FAM184B: variants seen among roughly 807,000 people sequenced by gnomAD.
The protein encoded by FAM184B is family with sequence similarity 184 member B.
Under a neutral mutation model 135.9 loss-of-function variants are expected in FAM184B, and 111 were observed. The ratio of observed to expected loss-of-function variants is 0.82; its 90% CI spans 0.70 to 0.96. FAM184B has a LOEUF of 0.96. Among genes scored for constraint, FAM184B ranks in the 40% least tolerant of loss-of-function variants. The pLI is 0.00. For missense variants in FAM184B, 1,375 were observed against 1,323.9 expected (o/e 1.04, Z -0.60); for synonymous variants, 552 against 524.8 (o/e 1.05, Z -0.71).
Position 17,709,300 on chromosome 4 carries a change from G to C in FAM184B, c.486C>G (p.Leu162=). ...LELKADYERR[L]QHLTSHEATP... is the part of the protein sequence containing the mutation. Reference sequence around the variant, plus strand: ...TAGCCTCGTGGCTCGTCAGGTGCTGGAGCCTCCTCTCGTAGTCAGCCTTGA... The same window carrying C: ...TAGCCTCGTGGCTCGTCAGGTGCTGCAGCCTCCTCTCGTAGTCAGCCTTGA... The change falls in exon 2 of 18, where the codon CTC becomes CTG. Residue 162 remains leucine, a synonymous_variant. Coordinates refer to ENST00000265018, the MANE Select transcript of FAM184B (RefSeq NM_015688.2). The C allele has an allele frequency of 6.5e-7, 1 of 1,549,598 alleles. No individual in the cohort carries two copies.
chr4:17,633,770 G>A lies in FAM184B; in HGVS notation c.3008C>T (p.Thr1003Ile). ...SSRINAPPIT[T>I]SPSLDPSPSC... ...GGGGCTTGGGTCCAAGCTGGGTGAT[G>A]TAGTTATTGGAGGGGCATTAATCCT... The change falls in exon 17 of 18, where the codon ACA becomes ATA. Residue 1003 changes from threonine (T) to isoleucine (I), a missense_variant. Transcript: ENST00000265018. The A allele has an allele frequency of 1.3e-6, 2 of 1,551,632 alleles. No homozygotes were observed. Among genetic ancestry groups the A allele is most frequent in the South Asian group, 2.4e-5 (2 of 84,052 alleles).
At position 17,652,865 on chromosome 4, in the gene FAM184B, C is replaced by T. The variant is rs745479638; in HGVS notation, c.2156G>A (p.Arg719His). The T allele has an allele frequency of 2.8e-5, 44 of 1,551,550 alleles. No homozygotes were observed. Among genetic ancestry groups the T allele is most frequent in the Admixed American group, 2.2e-4 (11 of 50,992 alleles). The change falls in exon 11 of 18, where the codon CGT becomes CAT. Residue 719 changes from arginine to histidine, a missense_variant. Arg to His is a conservative substitution (Grantham distance 29). Transcript: ENST00000265018. Reference sequence around the variant, plus strand: ...GGCCTGCTGTGCCTGCATCCTCTCACGCTCCTCCTGCAGCTCTTGCCTGGC... The same window carrying T: ...GGCCTGCTGTGCCTGCATCCTCTCATGCTCCTCCTGCAGCTCTTGCCTGGC... ...EKARQELQEE[R>H]ERMQAQQALL...
intron 1 of FAM184B, among the ~76,000 whole-genome samples, chr4:17,761,073 G>A (rs927054671): frequency 4.6e-5 from 7 of 152,176 alleles, no homozygotes; most frequent in African/African-American, 1.4e-4. Flanking sequence ...CAATGCACAG[G>A]ACAGCTCATG....
At chr4:17,715,516 T>G (rs1178256947) in intron 1 of FAM184B, among the ~76,000 whole-genome samples, 2 of 151,902 alleles carry the variant, frequency 1.3e-5, no homozygotes, top group Admixed American at 6.6e-5. Flanking sequence ...ATGAAATTAA[T>G]GGGGTCAAAA....
At chr4:17,653,338 A>C (rs1715679460) in intron 10 of FAM184B, among the ~76,000 whole-genome samples, 1 of 152,172 alleles carries the variant, frequency 6.6e-6, no homozygotes. Context: ...CAGGAGCACT[A>C]AGGTAACTAT....
chr4:17,648,228 C>T lies in FAM184B; in HGVS notation c.2192-437G>A, dbSNP rs1026179382. On this transcript the variant is annotated intron_variant, in intron 11 of 17. Coordinates refer to ENST00000265018, the MANE Select transcript of FAM184B (RefSeq NM_015688.2). The stretch of plus-strand genomic sequence containing the variant: ...CTGAGCCCAGGGCATTCTGTGACAA[C>T]GCTTGGCCTCAGCATCAAGTTAGGA... Among the ~76,000 whole-genome samples, 15 of 152,122 alleles carry T rather than the reference C, an allele frequency of 9.9e-5. 1 individual carries two copies. The highest frequency in any genetic ancestry group is 1.9e-4 in the Non-Finnish European group (13 of 68,034).
chr4:17,731,571 G>C lies in FAM184B; in HGVS notation c.142-21927C>G, dbSNP rs555673051. On this transcript the variant is annotated intron_variant, in intron 1 of 17. Transcript: ENST00000265018. ...GACTTTAAACCAACAAAGATCAAAAGAGACAAAGAAGGCCATTACATAATG... is the reference window on the plus strand; with the variant it reads ...GACTTTAAACCAACAAAGATCAAAACAGACAAAGAAGGCCATTACATAATG... 9.2e-3 allele frequency among the ~76,000 whole-genome samples: 1,406 copies of C among 152,212 alleles called. 23 individuals are homozygous for C. Among genetic ancestry groups the C allele is most frequent in the African/African-American group, 0.031 (1,288 of 41,518 alleles).
chr4:17,705,589 TGGAGTAGGCA>T (rs1248133535), intron 4 of FAM184B, among the ~76,000 whole-genome samples, 153 bp downstream of exon 4: 1 of 152,196 alleles, frequency 6.6e-6, no homozygotes, highest in Non-Finnish European at 1.5e-5. Flanking sequence ...TCCAGTAGCA[TGGAGTAGGCA>T]GTAAGTTGGC....
intron 6 of FAM184B, among the ~76,000 whole-genome samples, chr4:17,690,147 CAA>C (rs1182400475): frequency 3.8e-5 from 5 of 130,052 alleles, no homozygotes; most frequent in Non-Finnish European, 6.7e-5. Context: ...GACTCCGTCT[CAA>C]AAAAAAAAAA....
At chr4:17,768,202 A>T (rs1718740185) in intron 1 of FAM184B, among the ~76,000 whole-genome samples, 2 of 152,236 alleles carry the variant, frequency 1.3e-5, no homozygotes, top group South Asian at 4.1e-4. Flanking sequence ...AAATGTAAAG[A>T]TCATCTTTGA....
At chr4:17,676,489 T>A (rs1041553120) in intron 7 of FAM184B, among the ~76,000 whole-genome samples, 8 of 152,224 alleles carry the variant, frequency 5.3e-5, no homozygotes, top group African/African-American at 1.9e-4. Flanking sequence ...TATTTTTTAA[T>A]TAAGGTACAC....
rs1228433126 is a variant in FAM184B at position 17,708,663 on chromosome 4, C to CTATACATATATATATA, written c.894+228_894+229insTATATATATATGTATA. Reference sequence around the variant, plus strand: ...CCGTCTCAAAAATAAGGAAACAAAACTATATATATATATATATATATATAT... The same window carrying CTATACATATATATATA: ...CCGTCTCAAAAATAAGGAAACAAAACTATACATATATATATATATATATATATATATATATATATAT... On this transcript the variant is annotated intron_variant, in intron 2 of 17. Coordinates refer to ENST00000265018, the MANE Select transcript of FAM184B (RefSeq NM_015688.2). Among the ~76,000 whole-genome samples the CTATACATATATATATA allele has an allele frequency of 8.2e-4, 14 of 16,976 alleles. 1 individual carries two copies. Among genetic ancestry groups the CTATACATATATATATA allele is most frequent in the Non-Finnish European group, 1.2e-3 (12 of 10,006 alleles). The allele number at this position is 16,976 out of a possible 152,430, so 11.1% of individuals were successfully genotyped here.
At chr4:17,712,262 T>C (rs1717293676) in intron 1 of FAM184B, among the ~76,000 whole-genome samples, 1 of 152,150 alleles carries the variant, frequency 6.6e-6, no homozygotes. Flanking sequence ...AGGGAGCATG[T>C]GACTGAGGCC....
At chr4:17,688,597 A>G (rs1319676060) in intron 6 of FAM184B, 66 bp from the exon 7 acceptor site, 2 of 1,208,970 alleles carry the variant, frequency 1.7e-6, no homozygotes, top group Non-Finnish European at 2.3e-6. Context: ...ACAGTCATTC[A>G]TCCGGGAATC....
At chr4:17,709,870 T>C (rs567647738) in intron 1 of FAM184B, among the ~76,000 whole-genome samples, 1 of 152,236 alleles carries the variant, frequency 6.6e-6, no homozygotes. Flanking sequence ...AGGGGTGACA[T>C]TGCACAAAGG....
intron 1 of FAM184B, among the ~76,000 whole-genome samples, chr4:17,720,545 T>G (rs920817939): frequency 4.6e-5 from 7 of 152,066 alleles, no homozygotes; most frequent in Non-Finnish European, 8.8e-5. Flanking sequence ...CTGGTGGGAA[T>G]GTAAAATGGT....
In FAM184B at chr4:17,632,014, T is replaced by G. The variant is rs1272903062; in HGVS notation, c.*518A>C. ...AACGCTAATAACATTTTCCTATAGA[T>G]GACTTTTAATAACACTGGTTTAATG... is the stretch of plus-strand genomic sequence containing the variant. On this transcript the variant is annotated 3_prime_UTR_variant, in exon 18 of 18. Transcript: ENST00000265018. 1.3e-5 allele frequency: 2 copies of G among 151,714 alleles called. No individual in the cohort carries two copies. Among genetic ancestry groups the G allele is most frequent in the African/African-American group, 4.8e-5 (2 of 41,242 alleles). 9.4% of individuals were successfully genotyped at this position (151,714 alleles called of 1,614,324 possible). A position where few individuals can be genotyped will look rare whatever the true frequency, so the allele number is the denominator to read the frequency against.
chr4:17,633,606 A>G, intron 17 of FAM184B, 83 bp downstream of exon 17: 2 of 1,252,094 alleles, frequency 1.6e-6, no homozygotes, highest in Non-Finnish European at 2.1e-6. Context: ...GGAATTTGGT[A>G]CCAGGTGCTA....
chr4:17,667,351 G>A (rs1716079205), intron 7 of FAM184B, among the ~76,000 whole-genome samples: 1 of 152,188 alleles, frequency 6.6e-6, no homozygotes, highest in African/African-American at 2.4e-5. Flanking sequence ...GGTGGCGTGT[G>A]GAGACAGCCA....
Sources: gnomAD v4.1 joint callset for allele counts (sites outside exome capture counted in the v4.1 genomes callset) on GRCh38, gnomAD v4.1.1 for gene constraint, MANE v1.5 for transcripts, NCBI Gene and HGNC (gene_info 2026-07-23, HGNC 2026-07-21) for gene names.